SH3PXD2A: variants seen among roughly 807,000 people sequenced by gnomAD.
SH3PXD2A encodes SH3 and PX domains 2A.
SH3PXD2A carries 32 observed loss-of-function variants against 115.2 expected under a neutral mutation model. That is an observed-to-expected ratio of 0.28 (90% CI 0.21 to 0.37). SH3PXD2A has a LOEUF of 0.37. Among genes scored for constraint, SH3PXD2A ranks in the 10% least tolerant of loss-of-function variants. The pLI is 1.00. For synonymous variants in SH3PXD2A, 610 were observed against 629.1 expected (o/e 0.97, Z 0.45); for missense variants, 1,328 against 1,498.7 (o/e 0.89, Z 1.88).
intron 5 of SH3PXD2A, among the ~76,000 whole-genome samples, chr10:103,703,855 G>A (rs2037949182): frequency 6.6e-6 from 1 of 152,192 alleles, no homozygotes; most frequent in Non-Finnish European, 1.5e-5. Context: ...CCCATGGTGC[G>A]TGTGTGCATG....
In SH3PXD2A at chr10:103,603,104, G is replaced by A. The variant is rs1381889407; in HGVS notation, c.2114C>T (p.Ser705Phe). The A allele has an allele frequency of 3.7e-6, 6 of 1,613,156 alleles. No homozygotes were observed. The highest frequency in any genetic ancestry group is 3.3e-5 in the Admixed American group (2 of 60,030). Residue 705 changes from serine to phenylalanine, a missense_variant, in exon 15 of 15, where the codon TCC becomes TTC. Physicochemically the swap from Ser to Phe is radical, Grantham distance 155 (BLOSUM62 -2). Coordinates refer to ENST00000369774, the MANE Select transcript of SH3PXD2A (RefSeq NM_001394015.1). ...TTTGGACAAGGAAGAGGAGGAGGAGGAAGAGGAGGAGCAGCAAGTGGTGTT... is the reference window on the plus strand; with the variant it reads ...TTTGGACAAGGAAGAGGAGGAGGAGAAAGAGGAGGAGCAGCAAGTGGTGTT... Reference protein sequence around the residue: ...TINTTCCSSSSSSSSSLSKTS... With the variant: ...TINTTCCSSSFSSSSSLSKTS...
rs112081637 is a variant in SH3PXD2A at position 103,622,351 on chromosome 10, C to T, written c.802+119G>A. 1.1e-4 allele frequency: 77 copies of T among 693,262 alleles called. 3 individuals carry two copies. Among genetic ancestry groups the T allele is most frequent in the African/African-American group, 9.8e-4 (55 of 56,248 alleles). The allele number at this position is 693,262 out of a possible 1,614,324, so 42.9% of individuals were successfully genotyped here. A position where few individuals can be genotyped will look rare whatever the true frequency, so the allele number is the denominator to read the frequency against. ...CAGTAGGTGAGAAGAAAGCCTGGCC[C>T]GTGAATCTGGGTGAACAAGGAGGCC... On this transcript the variant is annotated intron_variant, in intron 10 of 14. Coordinates refer to ENST00000369774, the MANE Select transcript of SH3PXD2A (RefSeq NM_001394015.1).
intron 5 of SH3PXD2A, among the ~76,000 whole-genome samples, chr10:103,709,725 C>T (rs2038024986): frequency 6.6e-6 from 1 of 152,234 alleles, no homozygotes; most frequent in Non-Finnish European, 1.5e-5. Context: ...CATGACCTCT[C>T]TGTGCTTCAG....
intron 3 of SH3PXD2A, among the ~76,000 whole-genome samples, chr10:103,760,195 A>G (rs999538439): frequency 6.6e-6 from 1 of 152,188 alleles, no homozygotes; most frequent in Non-Finnish European, 1.5e-5. Flanking sequence ...AACTCACTGC[A>G]TATGCAGGCA....
At chr10:103,649,806 G>A (rs2037091113) in intron 8 of SH3PXD2A, among the ~76,000 whole-genome samples, 1 of 152,210 alleles carries the variant, frequency 6.6e-6, no homozygotes, top group Non-Finnish European at 1.5e-5. Context: ...AAACACCAGA[G>A]CTGGATGCCT....
At position 103,595,085 on chromosome 10, in the gene SH3PXD2A, T is replaced by C. The variant is rs1343408623; in HGVS notation, c.*6731A>G. 6.6e-6 allele frequency: 1 copy of C among 152,212 alleles called. No homozygotes were observed. The highest frequency in any genetic ancestry group is 1.5e-5 in the Non-Finnish European group (1 of 68,052). The allele number at this position is 152,212 out of a possible 1,614,324, so 9.4% of individuals were successfully genotyped here. A position where few individuals can be genotyped will look rare whatever the true frequency, so the allele number is the denominator to read the frequency against. The stretch of plus-strand genomic sequence containing the variant: ...AGAACCCGGGAGCTGGATGCATATA[T>C]TCTGGAATCAGGGCCTGCAAACTCA... On this transcript the variant is annotated 3_prime_UTR_variant, in exon 15 of 15. Coordinates refer to ENST00000369774, the MANE Select transcript of SH3PXD2A (RefSeq NM_001394015.1).
intron 6 of SH3PXD2A, among the ~76,000 whole-genome samples, chr10:103,672,277 T>G (rs1029082068): frequency 6.6e-6 from 1 of 152,142 alleles, no homozygotes; most frequent in Non-Finnish European, 1.5e-5. Flanking sequence ...AGAGTGAGAC[T>G]CTGTCTAAAT....
intron 1 of SH3PXD2A, among the ~76,000 whole-genome samples, chr10:103,803,350 CATCATATGTAAATAGGT>C (rs1175586203): frequency 6.6e-6 from 1 of 152,168 alleles, no homozygotes; most frequent in Admixed American, 6.5e-5. Flanking sequence ...CTTTGCTTTA[CATCATATGTAAATAGGT>C]ATCACATGAT....
At chr10:103,607,777 A>C (rs2036347311) in intron 13 of SH3PXD2A, among the ~76,000 whole-genome samples, 1 of 152,198 alleles carries the variant, frequency 6.6e-6, no homozygotes, top group Non-Finnish European at 1.5e-5. Context: ...AGAAGTAGAC[A>C]TGGGAGACTT....
At position 103,595,848 on chromosome 10, in the gene SH3PXD2A, G is replaced by A. The variant is rs1189324571; in HGVS notation, c.*5968C>T. 2 of 152,652 alleles carry A rather than the reference G, an allele frequency of 1.3e-5. No homozygotes were observed. Among genetic ancestry groups the A allele is most frequent in the African/African-American group, 4.8e-5 (2 of 41,442 alleles). The allele number at this position is 152,652 out of a possible 1,614,324, so 9.5% of individuals were successfully genotyped here. A position where few individuals can be genotyped will look rare whatever the true frequency, so the allele number is the denominator to read the frequency against. On this transcript the variant is annotated 3_prime_UTR_variant, in exon 15 of 15. Transcript: ENST00000369774. ...CTCCACCCAGTCTGTAAGCACCAGT[G>A]TGCCCACCTTATGGCCTGGGGACCC...
intron 1 of SH3PXD2A, among the ~76,000 whole-genome samples, chr10:103,842,709 T>C (rs1480431196): frequency 1.3e-5 from 2 of 152,172 alleles, no homozygotes; most frequent in Non-Finnish European, 2.9e-5. Context: ...TCCATCCACG[T>C]TGCTGCAAAT....
chr10:103,608,150 T>TAAAAAAAAAAAAAAAAAAGTTTACAA (rs1554903068), intron 13 of SH3PXD2A, among the ~76,000 whole-genome samples: 16 of 32,652 alleles, frequency 4.9e-4, no homozygotes, highest in Admixed American at 8.3e-4. Flanking sequence ...ATGATCAATT[T>TAAAAAAAAAAAAAAAAAAGTTTACAA]AAAAAAAAAA....
intron 8 of SH3PXD2A, among the ~76,000 whole-genome samples, chr10:103,649,096 C>T (rs1044219332): frequency 1.3e-5 from 2 of 152,206 alleles, no homozygotes; most frequent in East Asian, 3.8e-4. Flanking sequence ...CCCTCGCCTG[C>T]TCCCTCTGAG....
intron 1 of SH3PXD2A, among the ~76,000 whole-genome samples, chr10:103,815,715 C>T (rs1170683376): frequency 6.6e-6 from 1 of 151,248 alleles, no homozygotes; most frequent in Non-Finnish European, 1.5e-5. Context: ...ATGGTGAAAC[C>T]CCGTCTCTAC....
At position 103,735,747 on chromosome 10, in the gene SH3PXD2A, G is replaced by T; in HGVS notation, c.291C>A (p.Ile97=). The change falls in exon 4 of 15, where the codon ATC becomes ATA. Residue 97 remains isoleucine (I), a synonymous_variant. Coordinates refer to ENST00000369774, the MANE Select transcript of SH3PXD2A (RefSeq NM_001394015.1). ...ACACTCTCACCCGGCAGTATTCATC[G>T]ATGGGCTTCAGTCTCTTCACAGCTA... The part of the protein sequence containing the change: ...RDVAVKRLKP[I]DEYCRALVRL... 6.2e-7 allele frequency: 1 copy of T among 1,607,802 alleles called. No homozygotes were observed. The highest frequency in any genetic ancestry group is 1.1e-5 in the South Asian group (1 of 90,950).
At chr10:103,760,354 A>C (rs1258296210) in intron 3 of SH3PXD2A, among the ~76,000 whole-genome samples, 2 of 152,192 alleles carry the variant, frequency 1.3e-5, no homozygotes, top group Non-Finnish European at 2.9e-5. Context: ...GGATCACTTG[A>C]GTCCAGGAGT....
Position 103,724,280 on chromosome 10 carries a change from G to C in SH3PXD2A, c.388C>G (p.Pro130Ala). The change falls in exon 5 of 15, where the codon CCT becomes GCT. Residue 130 changes from proline to alanine, a missense_variant. Pro to Ala is a conservative substitution (Grantham distance 27). Transcript: ENST00000369774. ...TGAGCTATTACTTACTCTTTTGGAGGGTTGACATCCTCGGGTCGAGCCTCG... is the reference window on the plus strand; with the variant it reads ...TGAGCTATTACTTACTCTTTTGGAGCGTTGACATCCTCGGGTCGAGCCTCG... ...FFEARPEDVN[P>A]PKEDYGSSKR... is the part of the protein sequence containing the mutation. The C allele has an allele frequency of 6.4e-7, 1 of 1,567,574 alleles. No individual in the cohort carries two copies. Among genetic ancestry groups the C allele is most frequent in the Non-Finnish European group, 8.6e-7 (1 of 1,158,076 alleles).
chr10:103,825,506 C>A (rs541079978), intron 1 of SH3PXD2A, among the ~76,000 whole-genome samples: 1 of 152,102 alleles, frequency 6.6e-6, no homozygotes, highest in Non-Finnish European at 1.5e-5. Flanking sequence ...ATTGTTCATT[C>A]GAAACTCATT....
chr10:103,706,303 G>C (rs2037979942), intron 5 of SH3PXD2A, among the ~76,000 whole-genome samples: 1 of 152,204 alleles, frequency 6.6e-6, no homozygotes. Flanking sequence ...GTCAGTGGCT[G>C]GACTGGAGGA....
Sources: gnomAD v4.1 joint callset for allele counts (sites outside exome capture counted in the v4.1 genomes callset) on GRCh38, gnomAD v4.1.1 for gene constraint, MANE v1.5 for transcripts, NCBI Gene and HGNC (gene_info 2026-07-23, HGNC 2026-07-21) for gene names.